The following CSNK1G2 variants were observed in gnomAD, a reference collection of about 807,000 sequenced individuals.
CSNK1G2 encodes the protein casein kinase 1 gamma 2.
Under a neutral mutation model 48.0 loss-of-function variants are expected in CSNK1G2, and 11 were observed. The ratio of observed to expected loss-of-function variants is 0.23; its 90% confidence interval spans 0.14 to 0.38. CSNK1G2 has a LOEUF of 0.38. Ranked by LOEUF, CSNK1G2 falls within the 10% of genes least tolerant of loss-of-function variation. The pLI is 1.00. For synonymous variants in CSNK1G2, 337 were observed against 254.1 expected (o/e 1.33, Z -3.10); for missense variants, 446 against 595.5 (o/e 0.75, Z 2.61).
At chr19:1,965,107 A>G (rs773162743) in intron 1 of CSNK1G2, among the ~76,000 whole-genome samples, 7 of 146,432 alleles carry the variant, frequency 4.8e-5, no homozygotes, top group African/African-American at 7.5e-5. Flanking sequence ...GTACACGATC[A>G]GTTTCCGGCC....
At position 1,979,105 on chromosome 19, in the gene CSNK1G2, G is replaced by T; in HGVS notation, c.682+12G>T. The T allele has an allele frequency of 6.3e-7, 1 of 1,589,248 alleles. No homozygotes were observed. Among genetic ancestry groups the T allele is most frequent in the Non-Finnish European group, 8.5e-7 (1 of 1,172,650 alleles). ...GCACCTGGGCAAGGGTGAGCTGCGC[G>T]CGCGCGGCGGGGGGCGGGCGCCCGG... On this transcript the variant is annotated intron_variant, in intron 6 of 11. Coordinates refer to ENST00000255641, the MANE Select transcript of CSNK1G2 (RefSeq NM_001319.7).
chr19:1,968,753 C>G (rs1199931195), intron 1 of CSNK1G2: 1 of 152,678 alleles, frequency 6.5e-6, no homozygotes, highest in African/African-American at 2.4e-5. Flanking sequence ...TGGCTGTTGG[C>G]TCCGCTGGTC....
At chr19:1,955,495 GCGGGGTGGGCGTGTGC>G in intron 1 of CSNK1G2, among the ~76,000 whole-genome samples, 1 of 147,348 alleles carries the variant, frequency 6.8e-6, no homozygotes, top group African/African-American at 2.7e-5. Flanking sequence ...GCGAGGCTCC[GCGGGGTGGGCGTGTGC>G]CAGGGTGAGG....
At chr19:1,973,816 G>A (rs893143006) in intron 2 of CSNK1G2, among the ~76,000 whole-genome samples, 1 of 151,922 alleles carries the variant, frequency 6.6e-6, no homozygotes, top group Non-Finnish European at 1.5e-5. Flanking sequence ...CTTTGAACAT[G>A]TTTGTGCTGT....
At chr19:1,948,240 C>A (rs930388495) in intron 1 of CSNK1G2, among the ~76,000 whole-genome samples, 1 of 152,140 alleles carries the variant, frequency 6.6e-6, no homozygotes, top group Admixed American at 6.5e-5. Context: ...ATTAACGATC[C>A]CGGCCGGGCG....
intron 1 of CSNK1G2, among the ~76,000 whole-genome samples, chr19:1,961,660 TG>T (rs1365241344): frequency 6.6e-6 from 1 of 151,356 alleles, no homozygotes; most frequent in Non-Finnish European, 1.5e-5. Context: ...TGAGCTGCGG[TG>T]GGGGGTGGGG....
chr19:1,965,143 C>T (rs2015324994), intron 1 of CSNK1G2, among the ~76,000 whole-genome samples: 1 of 151,046 alleles, frequency 6.6e-6, no homozygotes, highest in Non-Finnish European at 1.5e-5. Flanking sequence ...CACCTGTGAT[C>T]CCAGCACTTC....
At position 1,975,364 on chromosome 19, in the gene CSNK1G2, T is replaced by G. The variant is rs1281706325; in HGVS notation, c.188-2941T>G. ...AGCTCAGTGCTTGGTGGTCAGCACG[T>G]GACTGACACTTTGCCGGAGAAGGGG... On this transcript the variant is annotated intron_variant, in intron 2 of 11. Coordinates refer to ENST00000255641, the MANE Select transcript of CSNK1G2 (RefSeq NM_001319.7). 4 of 985,446 alleles carry G rather than the reference T, an allele frequency of 4.1e-6. No individual in the cohort carries two copies. The East Asian group carries it at 3.4e-4, about 84-fold the overall frequency. The allele number at this position is 985,446 out of a possible 1,614,324, so 61.0% of individuals were successfully genotyped here. A position where few individuals can be genotyped will look rare whatever the true frequency, so the allele number is the denominator to read the frequency against.
intron 2 of CSNK1G2, chr19:1,975,654 A>G: frequency 1.0e-6 from 1 of 985,336 alleles, no homozygotes; most frequent in Non-Finnish European, 1.2e-6. Flanking sequence ...AAGGACACGC[A>G]AATGCTGGAC....
chr19:1,944,537 CAGCG>C (rs1461943534), intron 1 of CSNK1G2, among the ~76,000 whole-genome samples: 1 of 152,194 alleles, frequency 6.6e-6, no homozygotes, highest in East Asian at 1.9e-4. Flanking sequence ...GGAGCAGTGA[CAGCG>C]AGGGGTGGTG....
At chr19:1,959,811 G>A (rs568251467) in intron 1 of CSNK1G2, among the ~76,000 whole-genome samples, 6 of 136,080 alleles carry the variant, frequency 4.4e-5, no homozygotes, top group Non-Finnish European at 7.7e-5. Flanking sequence ...CCCAGCACCC[G>A]CCCCACCTTT....
intron 2 of CSNK1G2, among the ~76,000 whole-genome samples, chr19:1,976,741 CTTTT>C (rs34862138): frequency 2.1e-5 from 3 of 144,218 alleles, no homozygotes; most frequent in Non-Finnish European, 1.5e-5. Context: ...TTCTTGCTTT[CTTTT>C]TTTTTTTTTT....
intron 2 of CSNK1G2, 123 bp downstream of exon 2, chr19:1,970,082 AC>A (rs2015514276): frequency 1.5e-6 from 1 of 688,430 alleles, no homozygotes; most frequent in Non-Finnish European, 2.0e-6. Flanking sequence ...GCCCCATGTC[AC>A]TGGCAGGTGC....
rs2014363425 is a variant in CSNK1G2 at position 1,941,600 on chromosome 19, C to G, written c.-266+182C>G. ...GTCTAACCGCCCCGCAAGCTGACCC[C>G]CACACTCAGGGCCCCACCGCCGCAA... is the stretch of plus-strand genomic sequence containing the variant. On this transcript the variant is annotated intron_variant, in intron 1 of 11. Coordinates refer to ENST00000255641, the MANE Select transcript of CSNK1G2 (RefSeq NM_001319.7). 5.4e-5 allele frequency among the ~76,000 whole-genome samples: 8 copies of G among 147,152 alleles called. No homozygotes were observed. The South Asian group carries it at 1.8e-3, about 32-fold the overall frequency.
rs756443125 is a variant in CSNK1G2, at chr19:1,978,760, G to A, written c.447+10G>A. The A allele has an allele frequency of 3.2e-6, 5 of 1,551,204 alleles. No homozygotes were observed. The highest frequency in any genetic ancestry group is 2.4e-5 in the East Asian group (1 of 41,900). Reference sequence around the variant, plus strand: ...GATCGCCATCCAGCTGGTGCGCGGCGGGCGGGGCGGGGCGGGGCTCGGAGG... The same window carrying A: ...GATCGCCATCCAGCTGGTGCGCGGCAGGCGGGGCGGGGCGGGGCTCGGAGG... On this transcript the variant is annotated intron_variant, in intron 5 of 11. Coordinates refer to ENST00000255641, the MANE Select transcript of CSNK1G2 (RefSeq NM_001319.7). The surrounding 1 kb of genome is among the most constrained non-coding windows in gnomAD (Gnocchi z 7.3).
At chr19:1,955,590 C>A (rs1297658652) in intron 1 of CSNK1G2, among the ~76,000 whole-genome samples, 1 of 147,806 alleles carries the variant, frequency 6.8e-6, no homozygotes, top group Non-Finnish European at 1.5e-5. Context: ...TCAGGGGCTT[C>A]TCCGTCCATG....
intron 1 of CSNK1G2, among the ~76,000 whole-genome samples, chr19:1,963,008 G>A (rs1243746658): frequency 6.9e-6 from 1 of 143,886 alleles, no homozygotes; most frequent in Non-Finnish European, 1.5e-5. Context: ...AAGAAGCTCT[G>A]ACTCAGGCCA....
At chr19:1,974,492 G>T (rs747108450) in intron 2 of CSNK1G2, among the ~76,000 whole-genome samples, 2 of 152,152 alleles carry the variant, frequency 1.3e-5, no homozygotes, top group Non-Finnish European at 2.9e-5. Context: ...CCCTTGGGGG[G>T]TGCATCAAAG....
At chr19:1,966,170 C>G (rs1415649291) in intron 1 of CSNK1G2, among the ~76,000 whole-genome samples, 1 of 152,168 alleles carries the variant, frequency 6.6e-6, no homozygotes, top group African/African-American at 2.4e-5. Context: ...AGCAATTCCT[C>G]TGATGGAGCT....
Sources: allele counts gnomAD v4.1 joint callset (sites outside exome capture counted in the v4.1 genomes callset), GRCh38; gene constraint gnomAD v4.1.1; non-coding constraint Gnocchi (gnomAD v3.1); transcripts MANE v1.5; gene names NCBI Gene and HGNC (gene_info 2026-07-23, HGNC 2026-07-21).